Variants in RASGRP3 observed in about 807,000 individuals in gnomAD.
The protein encoded by RASGRP3 is RAS guanyl releasing protein 3.
Under a neutral mutation model 82.7 loss-of-function variants are expected in RASGRP3, and 54 were observed. The ratio of observed to expected loss-of-function variants is 0.65; its 90% confidence interval spans 0.52 to 0.82. The LOEUF (loss-of-function observed/expected upper bound fraction) is 0.82, where lower values mean the gene tolerates loss of function less well. Ranked by LOEUF, RASGRP3 falls within the 40% of genes least tolerant of loss-of-function variation. The pLI, the probability that RASGRP3 is intolerant of heterozygous loss-of-function variation, is 0.00. For synonymous variants in RASGRP3, 309 were observed against 300.5 expected (o/e 1.03, Z -0.29); for missense variants, 861 against 828.9 (o/e 1.04, Z -0.48).
intron 11 of RASGRP3, among the ~76,000 whole-genome samples, chr2:33,538,316 A>T (rs1673858927): frequency 6.6e-6 from 1 of 152,106 alleles, no homozygotes; most frequent in African/African-American, 2.4e-5. Context: ...CAGCCTGGCC[A>T]ACATGGTGGA....
At chr2:33,505,956 G>T (rs1032957955) in intron 1 of RASGRP3, among the ~76,000 whole-genome samples, 1 of 152,170 alleles carries the variant, frequency 6.6e-6, no homozygotes, top group Non-Finnish European at 1.5e-5. Flanking sequence ...CTCATTTCTT[G>T]TTCAACTTAT....
intron 1 of RASGRP3, among the ~76,000 whole-genome samples, chr2:33,443,950 A>C (rs1450092649): frequency 6.6e-6 from 1 of 152,170 alleles, no homozygotes; most frequent in Non-Finnish European, 1.5e-5. Flanking sequence ...TTCATTTTAC[A>C]TTTCCTAGTG....
At chr2:33,534,694 A>ATTTTTTTTTTTTTTTTTTT (rs71910431) in intron 11 of RASGRP3, among the ~76,000 whole-genome samples, 1 of 122,240 alleles carries the variant, frequency 8.2e-6, no homozygotes. Context: ...ACACCCAGCA[A>ATTTTTTTTTTTTTTTTTTT]TTTTTTTTTT....
chr2:33,555,446 T>G, intron 14 of RASGRP3, 85 bp from the exon 15 acceptor site: 4 of 1,226,426 alleles, frequency 3.3e-6, no homozygotes, highest in Middle Eastern at 1.9e-4. Context: ...GTCCTGAAGC[T>G]TCCCAGGACT....
At chr2:33,476,292 T>TAGGGGAGTCAGGGGTG (rs1299419054), upstream of RASGRP3, 1 of 152,182 alleles carries the variant, frequency 6.6e-6, no homozygotes, top group East Asian at 1.9e-4. Context: ...AGAGCCCCAG[T>TAGGGGAGTCAGGGGTG]GAAACTTGAG....
At chr2:33,517,839 A>G (rs996149444) in intron 4 of RASGRP3, among the ~76,000 whole-genome samples, 14 of 152,226 alleles carry the variant, frequency 9.2e-5, no homozygotes, top group Non-Finnish European at 1.3e-4. Flanking sequence ...AGGGATATTT[A>G]GGCATAGTAA....
rs13388394 is a variant in RASGRP3, at chr2:33,539,109, A to G, written c.1177A>G (p.Thr393Ala). The stretch of plus-strand genomic sequence containing the variant: ...TGTTTATCAGCAGCCTACCTCCCCT[A>G]CGACGCCCAACAAGCCTGTGGTACC... ...RNSKSQPTSP[T>A]TPNKPVVPLE... Residue 393 changes from threonine (T) to alanine (A), a missense_variant, in exon 12 of 18, where the codon ACG becomes GCG. Physicochemically the swap from Thr to Ala is moderately conservative, Grantham distance 58. Transcript: ENST00000403687. The G allele has an allele frequency of 0.045, 71,727 of 1,606,412 alleles. 2,414 individuals carry two copies. Among genetic ancestry groups the G allele is most frequent in the Admixed American group, 0.16 (9,549 of 58,760 alleles).
At chr2:33,494,316 A>C (rs2150965139) in intron 1 of RASGRP3, among the ~76,000 whole-genome samples, 1 of 152,350 alleles carries the variant, frequency 6.6e-6, no homozygotes, top group Admixed American at 6.5e-5. Context: ...TTAGAGACCA[A>C]GGCTCGCAGC....
intron 1 of RASGRP3, among the ~76,000 whole-genome samples, chr2:33,493,358 G>A (rs1187068118): frequency 2.0e-5 from 3 of 152,170 alleles, no homozygotes; most frequent in Non-Finnish European, 4.4e-5. Flanking sequence ...AGACTAGCTG[G>A]TCCAACACCT....
intron 1 of RASGRP3, among the ~76,000 whole-genome samples, chr2:33,508,981 A>C (rs1670667095): frequency 6.6e-6 from 1 of 152,248 alleles, no homozygotes; most frequent in Non-Finnish European, 1.5e-5. Context: ...TCTGAGCCTC[A>C]GAACTAAAGC....
At chr2:33,496,718 G>A (rs1968735) in intron 1 of RASGRP3, among the ~76,000 whole-genome samples, 20,170 of 152,156 alleles carry the variant, frequency 0.13, 1,722 homozygotes, top group Non-Finnish European at 0.17. Context: ...TTAGCAAGGT[G>A]TGGCGGCGCA....
At position 33,563,454 on chromosome 2, in the gene RASGRP3, C is replaced by T. The variant is rs1351608954; in HGVS notation, c.*717C>T. 4 of 151,704 alleles carry T rather than the reference C, an allele frequency of 2.6e-5. No individual in the cohort carries two copies. The highest frequency in any genetic ancestry group is 4.8e-5 in the African/African-American group (2 of 41,410). 9.4% of individuals were successfully genotyped at this position (151,704 alleles called of 1,614,324 possible). On this transcript the variant is annotated 3_prime_UTR_variant, in exon 18 of 18. Coordinates refer to ENST00000403687, the MANE Select transcript of RASGRP3 (RefSeq NM_001139488.2). Reference sequence around the variant, plus strand: ...CGTCACTAGGAAGCTATAGCATGGTCGTGAAAGCTCTCCTAATACTTACTT... The same window carrying T: ...CGTCACTAGGAAGCTATAGCATGGTTGTGAAAGCTCTCCTAATACTTACTT...
chr2:33,466,097 A>G (rs1037166694), intron 2 of RASGRP3, among the ~76,000 whole-genome samples: 1 of 152,348 alleles, frequency 6.6e-6, no homozygotes, highest in South Asian at 2.1e-4. Context: ...CACAACATCC[A>G]TTCTGCAGCT....
chr2:33,490,574 T>C (rs1219417801), intron 1 of RASGRP3, among the ~76,000 whole-genome samples: 1 of 152,236 alleles, frequency 6.6e-6, no homozygotes, highest in East Asian at 1.9e-4. Flanking sequence ...TCCTTCTCTT[T>C]CTCTGACAGG....
intron 1 of RASGRP3, among the ~76,000 whole-genome samples, chr2:33,506,701 G>A (rs1670411302): frequency 6.6e-6 from 1 of 152,092 alleles, no homozygotes; most frequent in South Asian, 2.1e-4. Flanking sequence ...AATGCAAGAA[G>A]GACAAAAAAT....
chr2:33,542,396 AT>A (rs1223127560), intron 12 of RASGRP3, among the ~76,000 whole-genome samples: 1 of 146,952 alleles, frequency 6.8e-6, no homozygotes, highest in Admixed American at 7.0e-5. Context: ...ATTTAAAATA[AT>A]TTTTAGCCTG....
In RASGRP3 at chr2:33,563,655, A is replaced by G. The variant is rs1280471777; in HGVS notation, c.*918A>G. On this transcript the variant is annotated 3_prime_UTR_variant, in exon 18 of 18. Transcript: ENST00000403687. ...TAGGTGAAATGCAAAACAACCATCA[A>G]TTTTTTTAAACTCAATAATTTTGTG... 6.6e-6 allele frequency: 1 copy of G among 151,642 alleles called. No homozygotes were observed. The highest frequency in any genetic ancestry group is 1.9e-4 in the East Asian group (1 of 5,188). 9.4% of individuals were successfully genotyped at this position (151,642 alleles called of 1,614,324 possible). A position where few individuals can be genotyped will look rare whatever the true frequency, so the allele number is the denominator to read the frequency against.
intron 4 of RASGRP3, 37 bp downstream of exon 4, chr2:33,516,681 A>T (rs1200483080): frequency 2.3e-5 from 31 of 1,354,698 alleles, no homozygotes; most frequent in Non-Finnish European, 3.1e-5. Flanking sequence ...TTACAATCAT[A>T]AATCAAGCTC....
At chr2:33,501,792 G>T (rs1669899532) in intron 1 of RASGRP3, among the ~76,000 whole-genome samples, 1 of 152,224 alleles carries the variant, frequency 6.6e-6, no homozygotes, top group South Asian at 2.1e-4. Flanking sequence ...GGAGTCTGCA[G>T]ATGAGACGAT....
Sources: gnomAD v4.1 joint callset for allele counts (sites outside exome capture counted in the v4.1 genomes callset) on GRCh38, gnomAD v4.1.1 for gene constraint, MANE v1.5 for transcripts, NCBI Gene and HGNC (gene_info 2026-07-23, HGNC 2026-07-21) for gene names.